The following SLC7A6 variants were observed in gnomAD, a reference collection of about 807,000 sequenced individuals.
SLC7A6 encodes the protein solute carrier family 7 member 6.
SLC7A6 carries 29 observed loss-of-function variants against 46.6 expected under a neutral mutation model. The ratio of observed to expected loss-of-function variants is 0.62; its 90% CI spans 0.46 to 0.85. The LOEUF (loss-of-function observed/expected upper bound fraction) is 0.85. SLC7A6 is among the 40% of genes least tolerant of loss of function. The pLI is 0.00. For missense variants in SLC7A6, 527 were observed against 647.6 expected (o/e 0.81, Z 2.02); for synonymous variants, 276 against 257.3 (o/e 1.07, Z -0.70).
chr16:68,281,767 T>C (rs2042833329), intron 3 of SLC7A6, among the ~76,000 whole-genome samples: 1 of 152,258 alleles, frequency 6.6e-6, no homozygotes, highest in South Asian at 2.1e-4. Context: ...CCTTGGGTGT[T>C]GTCAGCCCAT....
chr16:68,301,328 C>G lies in SLC7A6; in HGVS notation c.*4000C>G. The G allele has an allele frequency of 6.2e-7, 1 of 1,614,190 alleles. No individual in the cohort carries two copies. Among genetic ancestry groups the G allele is most frequent in the Non-Finnish European group, 8.5e-7 (1 of 1,180,022 alleles). Reference sequence around the variant, plus strand: ...TCATAGCCGAACTCCTTCTGCACATCCAGAGGGTACTTGCTCCACATCCGC... The same window carrying G: ...TCATAGCCGAACTCCTTCTGCACATGCAGAGGGTACTTGCTCCACATCCGC... On this transcript the variant is annotated 3_prime_UTR_variant, in exon 11 of 11. Coordinates refer to ENST00000219343, the MANE Select transcript of SLC7A6 (RefSeq NM_003983.6).
intron 8 of SLC7A6, chr16:68,295,049 G>T: frequency 2.5e-6 from 1 of 394,648 alleles, no homozygotes. Flanking sequence ...TCGAATGGCA[G>T]CCAGCTATAC....
intron 2 of SLC7A6, among the ~76,000 whole-genome samples, chr16:68,270,579 C>A (rs747399843): frequency 1.3e-5 from 2 of 152,214 alleles, no homozygotes; most frequent in Non-Finnish European, 2.9e-5. Flanking sequence ...CTTACTAACC[C>A]ACACTTGACA....
intron 2 of SLC7A6, among the ~76,000 whole-genome samples, chr16:68,269,789 G>C (rs554203504): frequency 2.6e-5 from 4 of 151,776 alleles, no homozygotes; most frequent in Admixed American, 2.6e-4. Context: ...GGTCTCACTC[G>C]GTCATCTCAC....
intron 10 of SLC7A6, 39 bp downstream of exon 10, chr16:68,296,849 G>GTGTGCA: frequency 6.2e-7 from 1 of 1,605,378 alleles, no homozygotes; most frequent in Non-Finnish European, 8.5e-7. Flanking sequence ...TGGCGGCTAT[G>GTGTGCA]TGTGCATGCG....
intron 3 of SLC7A6, among the ~76,000 whole-genome samples, chr16:68,285,400 C>A (rs1461373971): frequency 6.6e-6 from 1 of 152,100 alleles, no homozygotes; most frequent in African/African-American, 2.4e-5. Context: ...ACTAGGTAAT[C>A]CTTATGTTAG....
At chr16:68,287,612 C>A (rs899269135) in intron 3 of SLC7A6, 134 bp from the exon 4 acceptor site, 4 of 1,515,720 alleles carry the variant, frequency 2.6e-6, no homozygotes, top group Non-Finnish European at 3.5e-6. Context: ...CTTGCCAGTT[C>A]GCCTTGTTCT....
chr16:68,286,693 C>T (rs548061516), intron 3 of SLC7A6, among the ~76,000 whole-genome samples: 5 of 152,228 alleles, frequency 3.3e-5, no homozygotes, highest in Non-Finnish European at 7.3e-5. Context: ...CAGCACAGGG[C>T]CCAGATGTCA....
rs757480348 is a variant in SLC7A6 at position 68,294,715 on chromosome 16, G to A, written c.1033G>A (p.Val345Met). ...SIFASSRLFF[V>M]GSREGHLPDL... is the part of the protein sequence containing the mutation. ...TTCTCATCCTTCTAGGTTGTTCTTC[G>A]TGGGCTCCCGGGAGGGCCACCTACC... is the stretch of plus-strand genomic sequence containing the variant. Residue 345 changes from valine (V) to methionine (M), a missense_variant, in exon 8 of 11, where the codon GTG becomes ATG. By Grantham distance (21) the Val-to-Met change is conservative. Transcript: ENST00000219343. 14 of 1,612,718 alleles carry A rather than the reference G, an allele frequency of 8.7e-6. No homozygotes were observed. The highest frequency in any genetic ancestry group is 1.2e-5 in the Non-Finnish European group (14 of 1,178,872).
intron 6 of SLC7A6, 78 bp from the exon 7 acceptor site, chr16:68,291,480 A>C (rs1407498303): frequency 6.3e-7 from 1 of 1,582,920 alleles, no homozygotes. Flanking sequence ...CAGTGATTGC[A>C]TTTGTTCCGA....
At chr16:68,271,754 A>G (rs2042627207) in intron 2 of SLC7A6, among the ~76,000 whole-genome samples, 1 of 151,828 alleles carries the variant, frequency 6.6e-6, no homozygotes, top group African/African-American at 2.4e-5. Flanking sequence ...AGAGGTAGGA[A>G]CTTTAACTAC....
In SLC7A6 at chr16:68,296,505, C is replaced by A; in HGVS notation, c.1261C>A (p.Pro421Thr). ...LRWKEPKRPR[P>T]LKLSVFFPIV... Reference sequence around the variant, plus strand: ...CTGGAAGGAGCCCAAGCGGCCCCGGCCTCTCAAGGTCAGCAGCTCTGGCCA... The same window carrying A: ...CTGGAAGGAGCCCAAGCGGCCCCGGACTCTCAAGGTCAGCAGCTCTGGCCA... The change falls in exon 9 of 11, where the codon CCT (proline) becomes ACT (threonine). Residue 421 changes from proline (P) to threonine (T), a missense_variant. Transcript: ENST00000219343. 6.2e-7 allele frequency: 1 copy of A among 1,614,178 alleles called. No individual in the cohort carries two copies.
At chr16:68,279,827 G>A (rs2042797286) in intron 3 of SLC7A6, among the ~76,000 whole-genome samples, 1 of 152,230 alleles carries the variant, frequency 6.6e-6, no homozygotes, top group Non-Finnish European at 1.5e-5. Context: ...GTGTGAGCCT[G>A]TAAGTGTGGG....
At chr16:68,296,318 G>C (rs200897160) in intron 8 of SLC7A6, 46 bp from the exon 9 acceptor site, 3 of 1,609,222 alleles carry the variant, frequency 1.9e-6, no homozygotes, top group Non-Finnish European at 2.5e-6. Flanking sequence ...TCCTGGGGGC[G>C]CAGGTGGTGA....
At chr16:68,265,773 A>C (rs1471155056) in intron 1 of SLC7A6, 4 of 152,046 alleles carry the variant, frequency 2.6e-5, no homozygotes, top group Non-Finnish European at 5.9e-5. Flanking sequence ...TTTCCTGGCA[A>C]GTGTGTGGAA....
chr16:68,272,390 T>C (rs1249322585), intron 2 of SLC7A6, among the ~76,000 whole-genome samples: 1 of 152,132 alleles, frequency 6.6e-6, no homozygotes, highest in Non-Finnish European at 1.5e-5. Flanking sequence ...GATTGCATGA[T>C]TGCACTCCAG....
chr16:68,274,671 A>G lies in SLC7A6; in HGVS notation c.-36-20A>G. ...TCACCAGCTCCTGCCCTAGACTGACATACTTGTATTCTTTGCCAGGCCACA... is the reference window on the plus strand; with the variant it reads ...TCACCAGCTCCTGCCCTAGACTGACGTACTTGTATTCTTTGCCAGGCCACA... On this transcript the variant is annotated intron_variant, in intron 2 of 10. Coordinates refer to ENST00000219343, the MANE Select transcript of SLC7A6 (RefSeq NM_003983.6). The G allele has an allele frequency of 6.3e-7, 1 of 1,599,504 alleles. No homozygotes were observed.
chr16:68,276,064 C>T (rs567373410), intron 3 of SLC7A6, among the ~76,000 whole-genome samples: 1 of 152,360 alleles, frequency 6.6e-6, no homozygotes, highest in Non-Finnish European at 1.5e-5. Flanking sequence ...TTCAGGCCCA[C>T]AGGACCCTTT....
chr16:68,266,231 G>A (rs1474484671), intron 1 of SLC7A6, among the ~76,000 whole-genome samples: 2 of 152,038 alleles, frequency 1.3e-5, no homozygotes, highest in Non-Finnish European at 2.9e-5. Flanking sequence ...TTGCACTCTA[G>A]CCTGGGCAAC....
Sources: allele counts gnomAD v4.1 joint callset (sites outside exome capture counted in the v4.1 genomes callset), GRCh38; gene constraint gnomAD v4.1.1; transcripts MANE v1.5; gene names NCBI Gene and HGNC (gene_info 2026-07-23, HGNC 2026-07-21).